PHF24: variants seen among roughly 807,000 people sequenced by gnomAD.
PHF24 encodes Galpha inhibitory interacting protein.
In PHF24, 25 loss-of-function variants were observed where a neutral mutation model predicts 42.6. The ratio of observed to expected loss-of-function variants is 0.59; its 90% CI spans 0.43 to 0.82. PHF24 has a LOEUF of 0.82. Ranked by LOEUF, PHF24 falls within the 40% of genes least tolerant of loss-of-function variation. The pLI is 0.00. For missense variants in PHF24, 470 were observed against 538.1 expected, an observed-to-expected ratio of 0.87 and a Z score of 1.25; for synonymous variants, 185 against 204.8, an observed-to-expected ratio of 0.90 and a Z score of 0.83.
At chr9:34,819,474 A>G in the PHF24 span, among the ~76,000 whole-genome samples, 2 of 152,146 alleles carry the variant, frequency 1.3e-5, no homozygotes, top group African/African-American at 2.4e-5. Flanking sequence ...CTTTAGCTAC[A>G]TACCGCAATT....
At chr9:34,670,560 T>G in the PHF24 span, among the ~76,000 whole-genome samples, 2 of 152,202 alleles carry the variant, frequency 1.3e-5, no homozygotes, top group African/African-American at 4.8e-5. Context: ...CTGCACCTGT[T>G]TTTCACTTTT....
At chr9:34,767,837 G>A in the PHF24 span, among the ~76,000 whole-genome samples, 3 of 152,182 alleles carry the variant, frequency 2.0e-5, no homozygotes, top group Admixed American at 1.3e-4. Flanking sequence ...GTTCCTATTC[G>A]GCCATCTTGG....
At chr9:34,670,564 C>T in the PHF24 span, among the ~76,000 whole-genome samples, 1 of 152,164 alleles carries the variant, frequency 6.6e-6, no homozygotes, top group Non-Finnish European at 1.5e-5. Context: ...ACCTGTTTTT[C>T]ACTTTTTGGC....
chr9:34,728,238 C>T, the PHF24 span, among the ~76,000 whole-genome samples: 4 of 152,196 alleles, frequency 2.6e-5, no homozygotes, highest in African/African-American at 7.2e-5. Context: ...ATCGCTGTAA[C>T]ACAATGTCCC....
the PHF24 span, among the ~76,000 whole-genome samples, chr9:34,787,552 A>C: frequency 6.6e-6 from 1 of 152,186 alleles, no homozygotes; most frequent in African/African-American, 2.4e-5. Context: ...ATTCCATCCT[A>C]AGAGAAAGAA....
the PHF24 span, among the ~76,000 whole-genome samples, chr9:34,902,331 G>A: frequency 1.9e-4 from 29 of 152,102 alleles, no homozygotes; most frequent in Non-Finnish European, 3.2e-4. Flanking sequence ...CCTCAATAAT[G>A]CATCTAAAAG....
At chr9:34,826,422 C>T in the PHF24 span, among the ~76,000 whole-genome samples, 6 of 152,200 alleles carry the variant, frequency 3.9e-5, no homozygotes, top group South Asian at 2.1e-4. Context: ...GTAGAGCATT[C>T]GGCCCTGGTT....
the PHF24 span, among the ~76,000 whole-genome samples, chr9:34,909,675 G>A: frequency 5.1e-4 from 77 of 150,818 alleles, 2 homozygotes; most frequent in South Asian, 0.016. Flanking sequence ...AGGCTGGAGT[G>A]CAGTGGCGCG....
the PHF24 span, among the ~76,000 whole-genome samples, chr9:34,908,842 C>CTTTTTTTTTTTTTTTTTTTTTTTTT: frequency 2.2e-4 from 30 of 135,342 alleles, no homozygotes; most frequent in Non-Finnish European, 3.5e-4. Context: ...CTTTTCTTTT[C>CTTTTTTTTTTTTTTTTTTTTTTTTT]TTTTTTTTTT....
the PHF24 span, among the ~76,000 whole-genome samples, chr9:34,674,057 C>T: frequency 6.6e-6 from 1 of 152,192 alleles, no homozygotes; most frequent in Non-Finnish European, 1.5e-5. Flanking sequence ...CATCTGGCCT[C>T]ATACCTAGTT....
chr9:34,782,634 T>C, the PHF24 span, among the ~76,000 whole-genome samples: 3 of 152,164 alleles, frequency 2.0e-5, no homozygotes, highest in Non-Finnish European at 4.4e-5. Context: ...CTCCAATCCC[T>C]GAGGCAGAGG....
chr9:34,696,321 C>T, the PHF24 span, among the ~76,000 whole-genome samples: 19 of 151,976 alleles, frequency 1.3e-4, no homozygotes, highest in African/African-American at 4.4e-4. Flanking sequence ...AACCCTGTCT[C>T]TACTAAAAAT....
rs1367673951 is a variant in PHF24 at position 34,958,882 on chromosome 9, G to C, written c.-5+481G>C. ...GAAGCAACCTCTGACTGGGGAGGGG[G>C]ATCCTCCCATGGGATCCATGAGTGA... is the stretch of plus-strand genomic sequence containing the variant. On this transcript the variant is annotated intron_variant, in intron 1 of 7. Transcript: ENST00000242315. This position sits in a 1 kb window ranked among gnomAD's most constrained non-coding sequence, Gnocchi z 4.5. Among the ~76,000 whole-genome samples the C allele has an allele frequency of 6.6e-6, 1 of 152,182 alleles. No individual in the cohort carries two copies. The highest frequency in any genetic ancestry group is 1.5e-5 in the Non-Finnish European group (1 of 68,022).
the PHF24 span, among the ~76,000 whole-genome samples, chr9:34,759,854 C>T: frequency 6.6e-6 from 1 of 152,214 alleles, no homozygotes; most frequent in Non-Finnish European, 1.5e-5. Context: ...CAGAGCTCAG[C>T]CAAGGGCTGA....
At chr9:34,854,262 G>A in the PHF24 span, among the ~76,000 whole-genome samples, 4 of 120,744 alleles carry the variant, frequency 3.3e-5, no homozygotes, top group Non-Finnish European at 7.1e-5. Flanking sequence ...GTTTTTTTGT[G>A]TCTCTGTCTC....
chr9:34,669,344 C>G, the PHF24 span, among the ~76,000 whole-genome samples: 1 of 151,998 alleles, frequency 6.6e-6, no homozygotes, highest in Non-Finnish European at 1.5e-5. Flanking sequence ...CCTGCCATGC[C>G]CCTCCGTACC....
the PHF24 span, among the ~76,000 whole-genome samples, chr9:34,875,990 TCCTTC>T: frequency 6.9e-6 from 1 of 145,686 alleles, no homozygotes; most frequent in African/African-American, 2.6e-5. Flanking sequence ...TCTCTCTCAC[TCCTTC>T]CAAGTCCCTA....
At chr9:34,958,149 ACCGGCCGGCCCAGGGCACCTCGCGCGGGT>A, upstream of PHF24, among the ~76,000 whole-genome samples, 1 of 147,248 alleles carries the variant, frequency 6.8e-6, no homozygotes, top group Non-Finnish European at 1.5e-5. The surrounding 1 kb of genome is among the most constrained non-coding windows in gnomAD (Gnocchi z 4.5). Flanking sequence ...GGGCGCGCCC[ACCGGCCGGCCCAGGGCACCTCGCGCGGGT>A]GCACACGCCG....
the PHF24 span, among the ~76,000 whole-genome samples, chr9:34,897,902 C>T: frequency 3.9e-5 from 6 of 152,322 alleles, no homozygotes; most frequent in African/African-American, 7.2e-5. Flanking sequence ...TTAGCTCCAA[C>T]GTATCAGTGA....
Sources: allele counts gnomAD v4.1 joint callset (sites outside exome capture counted in the v4.1 genomes callset), GRCh38; gene constraint gnomAD v4.1.1; non-coding constraint Gnocchi (gnomAD v3.1); transcripts MANE v1.5; gene names NCBI Gene and HGNC (gene_info 2026-07-23, HGNC 2026-07-21).